MYLIP: variants seen among roughly 807,000 people sequenced by gnomAD.
MYLIP encodes E3 ubiquitin-protein ligase MYLIP.
In MYLIP, 26 loss-of-function variants were observed where a neutral mutation model predicts 45.8. That is an observed-to-expected ratio of 0.57 (90% CI 0.42 to 0.79). MYLIP has a LOEUF of 0.79. Ranked by LOEUF, MYLIP falls within the 30% of genes least tolerant of loss-of-function variation. The pLI is 0.00. For synonymous variants in MYLIP, 213 were observed against 218.1 expected, an observed-to-expected ratio of 0.98 and a Z score of 0.21; for missense variants, 494 against 555.6, an observed-to-expected ratio of 0.89 and a Z score of 1.11.
At position 16,129,309 on chromosome 6, in the gene MYLIP, C is replaced by T. The variant is rs1455427525; in HGVS notation, c.-14C>T. 2 of 1,555,564 alleles carry T rather than the reference C, an allele frequency of 1.3e-6. No homozygotes were observed. Among genetic ancestry groups the T allele is most frequent in the Admixed American group, 3.9e-5 (2 of 51,486 alleles). The stretch of plus-strand genomic sequence containing the variant: ...AAAGAGAAGGCGGCTGTGGCGGCAG[C>T]GGCAGCCCCAGCCATGCTGTGTTAT... On this transcript the variant is annotated 5_prime_UTR_variant, in exon 1 of 7. Transcript: ENST00000356840. The surrounding 1 kb of genome is among the most constrained non-coding windows in gnomAD (Gnocchi z 5.1).
At chr6:16,143,365 C>T in intron 4 of MYLIP, 148 bp downstream of exon 4, 5 of 813,350 alleles carry the variant, frequency 6.1e-6, no homozygotes, top group Admixed American at 2.7e-5. Flanking sequence ...TTTATTCAGG[C>T]CTAAATAACC....
chr6:16,141,520 C>CT, intron 2 of MYLIP, 105 bp from the exon 3 acceptor site: 1 of 1,094,890 alleles, frequency 9.1e-7, no homozygotes, highest in Non-Finnish European at 1.3e-6. Flanking sequence ...TTCAGTGTGA[C>CT]TTTTAAAATT....
chr6:16,156,487 A>C, the MYLIP span, among the ~76,000 whole-genome samples: 1 of 152,302 alleles, frequency 6.6e-6, no homozygotes, highest in Non-Finnish European at 1.5e-5. Context: ...TTCTCTGACC[A>C]TCTCTATGCA....
At chr6:16,131,029 G>GAAAAAAAAAAAA (rs11394742) in intron 2 of MYLIP, among the ~76,000 whole-genome samples, 48 of 115,240 alleles carry the variant, frequency 4.2e-4, no homozygotes, top group Middle Eastern at 5.1e-3. Context: ...GCTACCCCAG[G>GAAAAAAAAAAAA]AAAAAAAAAA....
At chr6:16,161,087 G>A in the MYLIP span, 2 of 156,170 alleles carry the variant, frequency 1.3e-5, no homozygotes, top group Admixed American at 6.5e-5. Context: ...ACATGGTGAA[G>A]AGCGGCTGCT....
downstream of MYLIP, among the ~76,000 whole-genome samples, chr6:16,151,396 C>A (rs982018445): frequency 6.6e-6 from 1 of 151,806 alleles, no homozygotes; most frequent in African/African-American, 2.4e-5. Flanking sequence ...AGTGCATGCA[C>A]ACGTCACCAC....
chr6:16,145,469 A>G, intron 6 of MYLIP, 152 bp downstream of exon 6: 1 of 777,252 alleles, frequency 1.3e-6, no homozygotes. Flanking sequence ...CCTAAAAGGC[A>G]TTGCCCTTTA....
rs1214405147 is a variant in MYLIP, at chr6:16,143,777, C to G, written c.741C>G (p.Asn247Lys). The G allele has an allele frequency of 3.1e-6, 5 of 1,613,986 alleles. No individual in the cohort carries two copies. The East Asian group carries it at 8.9e-5, about 29-fold the overall frequency. ...TGACGGTCACCAAGGAATCTGGGAA[C>G]AGCATCGTGCTCTTGTTTAAAATGA... The part of the protein sequence containing the change: ...VYLTVTKESG[N>K]SIVLLFKMIS... The change falls in exon 5 of 7, where the codon AAC (asparagine) becomes AAG (lysine). Residue 247 changes from asparagine to lysine, a missense_variant. By Grantham distance (94) the Asn-to-Lys change is moderately conservative. Transcript: ENST00000356840.
At chr6:16,140,235 C>T (rs1451603684) in intron 2 of MYLIP, among the ~76,000 whole-genome samples, 1 of 152,240 alleles carries the variant, frequency 6.6e-6, no homozygotes, top group Admixed American at 6.5e-5. Flanking sequence ...TAAAACTTCA[C>T]ATTTGCCAGG....
At chr6:16,159,295 A>G in the MYLIP span, among the ~76,000 whole-genome samples, 1 of 152,206 alleles carries the variant, frequency 6.6e-6, no homozygotes, top group East Asian at 1.9e-4. Flanking sequence ...AAGGCACTCT[A>G]CAAACAAGCC....
intron 2 of MYLIP, among the ~76,000 whole-genome samples, chr6:16,139,188 G>T (rs1759613372): frequency 6.6e-6 from 1 of 152,194 alleles, no homozygotes; most frequent in Admixed American, 6.5e-5. Context: ...AGATCATGAG[G>T]TCAGGAGATT....
At chr6:16,162,070 A>T in the MYLIP span, among the ~76,000 whole-genome samples, 1 of 152,238 alleles carries the variant, frequency 6.6e-6, no homozygotes, top group Non-Finnish European at 1.5e-5. Flanking sequence ...TATCCTGAAT[A>T]ATTGATTTTT....
chr6:16,140,289 G>A (rs533840069), intron 2 of MYLIP, among the ~76,000 whole-genome samples: 68 of 152,272 alleles, frequency 4.5e-4, no homozygotes, highest in Admixed American at 7.2e-4. Flanking sequence ...AGCAGTTTAG[G>A]TGCTCTTCAG....
chr6:16,150,640 T>G (rs1759866639), downstream of MYLIP, among the ~76,000 whole-genome samples: 1 of 151,680 alleles, frequency 6.6e-6, no homozygotes, highest in Non-Finnish European at 1.5e-5. Context: ...GAAGAGAGGG[T>G]GAACGAAGAT....
chr6:16,158,852 A>G, the MYLIP span, among the ~76,000 whole-genome samples: 1 of 152,218 alleles, frequency 6.6e-6, no homozygotes, highest in Non-Finnish European at 1.5e-5. Flanking sequence ...CCTGGGCGGC[A>G]GAGCAAGACT....
downstream of MYLIP, among the ~76,000 whole-genome samples, chr6:16,149,077 T>A (rs1759847956): frequency 6.6e-6 from 1 of 152,182 alleles, no homozygotes; most frequent in Non-Finnish European, 1.5e-5. Context: ...TTAGCAGTCA[T>A]CAAGACATAA....
At chr6:16,137,344 G>A (rs768014839) in intron 2 of MYLIP, among the ~76,000 whole-genome samples, 1 of 152,146 alleles carries the variant, frequency 6.6e-6, no homozygotes, top group Non-Finnish European at 1.5e-5. Context: ...GATGATCACC[G>A]TGGGTTCTGA....
At chr6:16,146,499 C>T (rs964941128) in intron 6 of MYLIP, among the ~76,000 whole-genome samples, 163 bp from the exon 7 acceptor site, 2 of 152,148 alleles carry the variant, frequency 1.3e-5, no homozygotes, top group Admixed American at 6.5e-5. Flanking sequence ...AAACTTTCAA[C>T]CTGTGAGACG....
chr6:16,159,676 C>A, the MYLIP span, among the ~76,000 whole-genome samples: 1 of 152,124 alleles, frequency 6.6e-6, no homozygotes, highest in African/African-American at 2.4e-5. Context: ...GCCAGTCCTG[C>A]CTGGAATAAG....
Sources: allele counts gnomAD v4.1 joint callset (sites outside exome capture counted in the v4.1 genomes callset), GRCh38; gene constraint gnomAD v4.1.1; non-coding constraint Gnocchi (gnomAD v3.1); transcripts MANE v1.5; gene names NCBI Gene and HGNC (gene_info 2026-07-23, HGNC 2026-07-21).